PLAU: variants seen among roughly 807,000 people sequenced by gnomAD.
PLAU encodes plasminogen activator, urokinase, also known as urokinase-type plasminogen activator.
In PLAU, 32 loss-of-function variants were observed where a neutral mutation model predicts 48.9. The ratio of observed to expected loss-of-function variants is 0.65; its 90% CI spans 0.49 to 0.88. PLAU has a LOEUF of 0.88. Ranked by LOEUF, PLAU falls within the 40% of genes least tolerant of loss-of-function variation. The pLI is 0.00. For synonymous variants in PLAU, 199 were observed against 205.7 expected (o/e 0.97, Z 0.28); for missense variants, 455 against 545.2 (o/e 0.83, Z 1.65).
chr10:73,913,422 G>A, intron 6 of PLAU, 41 bp downstream of exon 6: 1 of 1,590,466 alleles, frequency 6.3e-7, no homozygotes, highest in South Asian at 1.1e-5. Flanking sequence ...GGGTGGAAGG[G>A]GACAAACTTA....
chr10:73,911,217 C>T lies in PLAU; in HGVS notation c.-33C>T, dbSNP rs964623476. On this transcript the variant is annotated splice_region_variant and 5_prime_UTR_variant, in exon 1 of 11. Transcript: ENST00000372764. ...GCTCGCGCCCTCCTGCCGCAGCCAC[C>T]GGTGAGTGCCGCGGTCCTGAGATCC... The T allele has an allele frequency of 1.0e-4, 35 of 350,868 alleles. No homozygotes were observed. Among genetic ancestry groups the T allele is most frequent in the Middle Eastern group, 1.6e-3 (2 of 1,220 alleles). The allele number at this position is 350,868 out of a possible 1,614,324, so 21.7% of individuals were successfully genotyped here.
At chr10:73,911,304 C>T (rs2096123380) in intron 1 of PLAU, 86 bp downstream of exon 1, 2 of 589,442 alleles carry the variant, frequency 3.4e-6, no homozygotes, top group Non-Finnish European at 3.0e-6. Context: ...CTGGGCTGCC[C>T]GGGCTCCCTG....
Position 73,916,812 on chromosome 10 carries a change from A to G in PLAU, c.*247A>G. On this transcript the variant is annotated 3_prime_UTR_variant, in exon 11 of 11. Coordinates refer to ENST00000372764, the MANE Select transcript of PLAU (RefSeq NM_002658.6). ...CTGACTCAACATGTTACTGACCAGC[A>G]ACTTGTCTTTTTCTGGACTGAAGCC... 2.1e-6 allele frequency: 1 copy of G among 483,296 alleles called. No individual in the cohort carries two copies. Among genetic ancestry groups the G allele is most frequent in the Non-Finnish European group, 3.7e-6 (1 of 272,522 alleles). The allele number at this position is 483,296 out of a possible 1,614,324, so 29.9% of individuals were successfully genotyped here.
rs748100957 is a variant in PLAU, at chr10:73,912,995, C to T, written c.265C>T (p.Arg89Trp). 2.2e-5 allele frequency: 36 copies of T among 1,613,510 alleles called. No homozygotes were observed. Among genetic ancestry groups the T allele is most frequent in the African/African-American group, 8.0e-5 (6 of 74,918 alleles). Residue 89 changes from arginine (R) to tryptophan (W), a missense_variant, in exon 5 of 11, where the codon CGG becomes TGG. Arg to Trp is a moderately radical substitution (Grantham distance 101). Transcript: ENST00000372764. ...AAAGGCCAGCACTGACACCATGGGC[C>T]GGCCCTGCCTGCCCTGGAACTCTGC... The part of the protein sequence containing the change: ...RGKASTDTMG[R>W]PCLPWNSATV...
rs752151133 is a variant in PLAU at position 73,911,575 on chromosome 10, G to A, written c.20G>A (p.Arg7His). 1 of 1,613,398 alleles carries A rather than the reference G, an allele frequency of 6.2e-7. No individual in the cohort carries two copies. Among genetic ancestry groups the A allele is most frequent in the Non-Finnish European group, 8.5e-7 (1 of 1,179,994 alleles). Residue 7 changes from arginine to histidine, a missense_variant, in exon 2 of 11, where the codon CGC becomes CAC. Arg to His is a conservative substitution (Grantham distance 29, BLOSUM62 0). Transcript: ENST00000372764. Reference protein sequence around the residue: MRALLARLLLCVLVVSD... With the variant: MRALLAHLLLCVLVVSD... ...GCCACCATGAGAGCCCTGCTGGCGC[G>A]CCTGCTTCTCTGCGTCCTGGTCGTG...
chr10:73,912,408 C>A, intron 4 of PLAU, 86 bp downstream of exon 4: 2 of 1,021,242 alleles, frequency 2.0e-6, no homozygotes, highest in South Asian at 1.4e-5. Flanking sequence ...GAGTTAGGAG[C>A]TGGAGGTAGG....
rs1339192981 is a variant in PLAU at position 73,916,470 on chromosome 10, G to A, written c.1201G>A (p.Ala401Thr). ...TGIVSWGRGC[A>T]LKDKPGVYTR... The stretch of plus-strand genomic sequence containing the variant: ...AATTGTGAGCTGGGGCCGTGGATGT[G>A]CCCTGAAGGACAAGCCAGGCGTCTA... Residue 401 changes from alanine (A) to threonine (T), a missense_variant, in exon 11 of 11, where the codon GCC becomes ACC. Transcript: ENST00000372764. The A allele has an allele frequency of 6.2e-7, 1 of 1,613,952 alleles. No homozygotes were observed. Among genetic ancestry groups the A allele is most frequent in the Middle Eastern group, 1.7e-4 (1 of 6,048 alleles).
chr10:73,910,230 C>T (rs930547224), upstream of PLAU: 5 of 152,222 alleles, frequency 3.3e-5, no homozygotes, highest in African/African-American at 1.2e-4. Context: ...AACTTCCACA[C>T]CCTCCAGAAC....
intron 8 of PLAU, among the ~76,000 whole-genome samples, chr10:73,914,573 C>A (rs2227570): frequency 4.5e-4 from 68 of 152,154 alleles, no homozygotes; most frequent in African/African-American, 1.5e-3. Context: ...GTGGCTCTGG[C>A]CATCCAAGCC....
At chr10:73,914,172 G>A in intron 8 of PLAU, 44 bp downstream of exon 8, 1 of 1,605,648 alleles carries the variant, frequency 6.2e-7, no homozygotes, top group Non-Finnish European at 8.5e-7. Flanking sequence ...ATGGCTTGGG[G>A]AGAGTGGGAC....
chr10:73,917,474 A>C lies in PLAU; in HGVS notation c.*909A>C, dbSNP rs1226697848. On this transcript the variant is annotated 3_prime_UTR_variant, in exon 11 of 11. Transcript: ENST00000372764. The stretch of plus-strand genomic sequence containing the variant: ...TTTGTAATTTTAAATAAAAGTGATC[A>C]ATAAAATGTGATTTTTCTGATGACA... 6.6e-6 allele frequency: 1 copy of C among 152,654 alleles called. No homozygotes were observed. Among genetic ancestry groups the C allele is most frequent in the Non-Finnish European group, 1.5e-5 (1 of 68,048 alleles). 9.5% of individuals were successfully genotyped at this position (152,654 alleles called of 1,614,324 possible).
chr10:73,916,873 A>G lies in PLAU; in HGVS notation c.*308A>G. The G allele has an allele frequency of 3.2e-6, 1 of 311,094 alleles. No individual in the cohort carries two copies. The highest frequency in any genetic ancestry group is 6.0e-6 in the Non-Finnish European group (1 of 166,354). The allele number at this position is 311,094 out of a possible 1,614,324, so 19.3% of individuals were successfully genotyped here. ...AAAAAGGGCAGGGCATCTCCTGTGC[A>G]TGGGTGAAGGGAGAGCCAGCTCCCC... On this transcript the variant is annotated 3_prime_UTR_variant, in exon 11 of 11. Transcript: ENST00000372764.
chr10:73,913,699 C>CGT lies in PLAU; in HGVS notation c.627_628dup (p.Gly210ValfsTer11). 1 of 1,613,240 alleles carries CGT rather than the reference C, an allele frequency of 6.2e-7. No homozygotes were observed. Among genetic ancestry groups the CGT allele is most frequent in the Non-Finnish European group, 8.5e-7 (1 of 1,179,610 alleles). On this transcript the variant is annotated frameshift_variant, in exon 7 of 11. Transcript: ENST00000372764. LOFTEE classifies it high-confidence loss of function. ...GGCACCGGGGGGGCTCTGTCACCTA[C>CGT]GTGTGTGGAGGCAGCCTCATCAGCC... is the stretch of plus-strand genomic sequence containing the variant.
Position 73,917,005 on chromosome 10 carries a change from C to CGGTTTGGGG in PLAU, c.*441_*449dup, listed in dbSNP as rs1411866105. The CGGTTTGGGG allele has an allele frequency of 6.1e-6, 1 of 164,598 alleles. No individual in the cohort carries two copies. The highest frequency in any genetic ancestry group is 1.3e-5 in the Non-Finnish European group (1 of 74,622). 10.2% of individuals were successfully genotyped at this position (164,598 alleles called of 1,614,324 possible). ...GGGAGCTTAGCCAATGTGGGAGCAGCGGTTTGGGGAGCAGAGACACTAACG... is the reference window on the plus strand; with the variant it reads ...GGGAGCTTAGCCAATGTGGGAGCAGCGGTTTGGGGGGTTTGGGGAGCAGAGACACTAACG... On this transcript the variant is annotated 3_prime_UTR_variant, in exon 11 of 11. Transcript: ENST00000372764.
rs201795845 is a variant in PLAU, at chr10:73,913,742, G to A, written c.664G>A (p.Ala222Thr). 4.6e-5 allele frequency: 73 copies of A among 1,597,490 alleles called. No homozygotes were observed. The highest frequency in any genetic ancestry group is 3.4e-4 in the Middle Eastern group (2 of 5,926). ...CATCAGCCCTTGCTGGGTGATCAGC[G>A]CCACACACTGCTTCATGTACGGCCC... ...SLISPCWVIS[A>T]THCFIDYPKK... Residue 222 changes from alanine (A) to threonine (T), a missense_variant, in exon 7 of 11, where the codon GCC becomes ACC. Transcript: ENST00000372764.
At position 73,912,915 on chromosome 10, in the gene PLAU, C is replaced by CCCTT. The variant is rs779281523; in HGVS notation, c.194-8_194-5dup. ...TCTCATATTCTCTCATCCTCCTGTC[C>CCCTT]CCTTGTAGATAAGTCAAAAACCTGC... On this transcript the variant is annotated splice_polypyrimidine_tract_variant and intron_variant, in intron 4 of 10. Coordinates refer to ENST00000372764, the MANE Select transcript of PLAU (RefSeq NM_002658.6). 22 of 1,593,086 alleles carry CCCTT rather than the reference C, an allele frequency of 1.4e-5. 1 individual carries two copies. The East Asian group carries it at 4.0e-4, about 29-fold the overall frequency.
intron 10 of PLAU, 140 bp from the exon 11 acceptor site, chr10:73,916,248 CG>C: frequency 1.3e-6 from 1 of 763,392 alleles, no homozygotes; most frequent in Non-Finnish European, 2.2e-6. Flanking sequence ...GTCCTCCCCC[CG>C]AAAAAAAGAA....
In PLAU at chr10:73,914,048, G is replaced by A; in HGVS notation, c.749G>A (p.Gly250Glu). The stretch of plus-strand genomic sequence containing the variant: ...TCAAGGCTTAACTCCAACACGCAAG[G>A]GGAGATGAAGTTTGAGGTGGAAAAC... ...GRSRLNSNTQ[G>E]EMKFEVENLI... Residue 250 changes from glycine (G) to glutamate (E), a missense_variant, in exon 8 of 11, where the codon GGG becomes GAG. Transcript: ENST00000372764. The A allele has an allele frequency of 6.2e-7, 1 of 1,614,042 alleles. No homozygotes were observed. The highest frequency in any genetic ancestry group is 8.5e-7 in the Non-Finnish European group (1 of 1,179,890).
At position 73,914,133 on chromosome 10, in the gene PLAU, GGGGGAACCCC is replaced by G; in HGVS notation, c.829+7_829+16del. On this transcript the variant is annotated splice_donor_region_variant and intron_variant, in intron 8 of 10. Coordinates refer to ENST00000372764, the MANE Select transcript of PLAU (RefSeq NM_002658.6). The stretch of plus-strand genomic sequence containing the variant: ...TTGCTCACCACAACGACATTGGTGA[GGGGGAACCCC>G]GCGACTACTGTGGCCATAATGGCTT... 1 of 1,613,784 alleles carries G rather than the reference GGGGGAACCCC, an allele frequency of 6.2e-7. No homozygotes were observed. Among genetic ancestry groups the G allele is most frequent in the South Asian group, 1.1e-5 (1 of 91,060 alleles).
Sources: allele counts gnomAD v4.1 joint callset (sites outside exome capture counted in the v4.1 genomes callset), GRCh38; gene constraint gnomAD v4.1.1; transcripts MANE v1.5; gene names NCBI Gene and HGNC (gene_info 2026-07-23, HGNC 2026-07-21).